The following F5 variants were observed in gnomAD, a reference collection of about 807,000 sequenced individuals.
The protein encoded by F5 is coagulation factor V, also known as activated protein c cofactor.
In F5, 138 loss-of-function variants were observed where a neutral mutation model predicts 216.4. That is an observed-to-expected ratio of 0.64 (90% CI 0.56 to 0.73). The LOEUF (loss-of-function observed/expected upper bound fraction) is 0.73. Ranked by LOEUF, F5 falls within the 30% of genes least tolerant of loss-of-function variation. The pLI is 0.00. For missense variants in F5, 2,403 were observed against 2,674.0 expected (o/e 0.90, Z 2.24); for synonymous variants, 916 against 930.7 (o/e 0.98, Z 0.29).
intron 10 of F5, among the ~76,000 whole-genome samples, chr1:169,546,996 A>G (rs867087144): frequency 6.0e-4 from 91 of 151,484 alleles, no homozygotes; most frequent in African/African-American, 2.0e-3. Context: ...AAAGAAAAGA[A>G]AAGAAAAGAA....
At chr1:169,534,774 T>C (rs897141569) in intron 14 of F5, among the ~76,000 whole-genome samples, 3 of 151,956 alleles carry the variant, frequency 2.0e-5, no homozygotes, top group African/African-American at 7.3e-5. Flanking sequence ...AGACATGGAA[T>C]CAATCTAGGT....
chr1:169,573,800 G>A (rs781425770), intron 2 of F5, among the ~76,000 whole-genome samples: 1 of 152,066 alleles, frequency 6.6e-6, no homozygotes, highest in Non-Finnish European at 1.5e-5. Context: ...CTGAGATATG[G>A]GCAAAATATT....
chr1:169,528,479 T>C (rs780244281), intron 16 of F5, among the ~76,000 whole-genome samples: 51 of 152,044 alleles, frequency 3.4e-4, no homozygotes, highest in Admixed American at 3.3e-4. Context: ...GGGATTAGAG[T>C]CAGCAAGGAG....
In F5 at chr1:169,549,742, A is replaced by G. The variant is rs1660115661; in HGVS notation, c.1611+59T>C. 3.0e-6 allele frequency: 4 copies of G among 1,313,828 alleles called. No individual in the cohort carries two copies. The Admixed American group carries it at 5.4e-5, about 18-fold the overall frequency. The allele number at this position is 1,313,828 out of a possible 1,614,324, so 81.4% of individuals were successfully genotyped here. A position where few individuals can be genotyped will look rare whatever the true frequency, so the allele number is the denominator to read the frequency against. Reference sequence around the variant, plus strand: ...CCATTATTTAGCCAGGAGACCTAACATGTTCTAGCCAGAAGAAATTCTCAG... The same window carrying G: ...CCATTATTTAGCCAGGAGACCTAACGTGTTCTAGCCAGAAGAAATTCTCAG... On this transcript the variant is annotated intron_variant, in intron 10 of 24. Transcript: ENST00000367797.
chr1:169,528,013 C>T lies in F5; in HGVS notation c.5501G>A (p.Gly1834Asp). The T allele has an allele frequency of 6.2e-7, 1 of 1,613,934 alleles. No homozygotes were observed. The highest frequency in any genetic ancestry group is 8.5e-7 in the Non-Finnish European group (1 of 1,179,878). ...EWVRLHLLNI[G>D]GSQDIHVVHF... ...AACCACGTGAATGTCTTGGGAGCCG[C>T]CTATGTTCAGCAGGTGTAACCTCAC... Residue 1834 changes from glycine (G) to aspartate (D), a missense_variant, in exon 17 of 25, where the codon GGC becomes GAC. This residue lies in a region of F5 where 659 missense variants were observed against 787.9 expected (regional missense o/e 0.84). Coordinates refer to ENST00000367797, the MANE Select transcript of F5 (RefSeq NM_000130.5).
In F5 at chr1:169,558,382, A is replaced by G. The variant is rs139721547; in HGVS notation, c.730+771T>C. On this transcript the variant is annotated intron_variant, in intron 5 of 24. Transcript: ENST00000367797. ...AGAATACAATTTAAAAACACTACCC[A>G]GATCTCAACTCTTAACAATATTTGT... Among the ~76,000 whole-genome samples, 48 of 152,350 alleles carry G rather than the reference A, an allele frequency of 3.2e-4. No individual in the cohort carries two copies. The East Asian group carries it at 7.7e-3, about 24-fold the overall frequency.
chr1:169,528,588 G>A lies in F5; in HGVS notation c.5420-494C>T, dbSNP rs764789902. ...ATAAAATTAGGAGTTTATCGTTGGT[G>A]TATCCAGCAACCATAGCAAGTCATG... On this transcript the variant is annotated intron_variant, in intron 16 of 24. Coordinates refer to ENST00000367797, the MANE Select transcript of F5 (RefSeq NM_000130.5). Among the ~76,000 whole-genome samples the A allele has an allele frequency of 9.2e-5, 14 of 152,238 alleles. No homozygotes were observed. The South Asian group carries it at 2.9e-3, about 32-fold the overall frequency.
At chr1:169,539,847 TA>T (rs1293559926) in intron 13 of F5, among the ~76,000 whole-genome samples, 1 of 152,180 alleles carries the variant, frequency 6.6e-6, no homozygotes, top group African/African-American at 2.4e-5. Flanking sequence ...AATATTCTTT[TA>T]AAAAAGGGAT....
chr1:169,544,628 A>T lies in F5; in HGVS notation c.1763-120T>A, dbSNP rs886534986. 5 of 845,274 alleles carry T rather than the reference A, an allele frequency of 5.9e-6. No homozygotes were observed. The East Asian group carries it at 7.9e-5, about 13-fold the overall frequency. The allele number at this position is 845,274 out of a possible 1,614,324, so 52.4% of individuals were successfully genotyped here. On this transcript the variant is annotated intron_variant, in intron 11 of 24. Transcript: ENST00000367797. ...GTTGTGTCAAAGCAGTGATTATCCA[A>T]GATAAGCTTTATCTAGTCTAACATG...
In F5 at chr1:169,563,949, A is replaced by C. The variant is rs148225932; in HGVS notation, c.374-3183T>G. Among the ~76,000 whole-genome samples the C allele has an allele frequency of 5.6e-3, 851 of 152,106 alleles. 8 individuals carry two copies. The highest frequency in any genetic ancestry group is 0.02 in the African/African-American group (824 of 41,516). On this transcript the variant is annotated intron_variant, in intron 3 of 24. Coordinates refer to ENST00000367797, the MANE Select transcript of F5 (RefSeq NM_000130.5). The stretch of plus-strand genomic sequence containing the variant: ...TTGTTTATTTTTATTAACATTGTGA[A>C]TTTACATTGTTGTTTGTTGCATTCT...
In F5 at chr1:169,514,444, T is replaced by C. The variant is rs952308872; in HGVS notation, c.6544A>G (p.Thr2182Ala). Reference protein sequence around the residue: ...SMVDKIFEGNTNTKGHVKNFF... With the variant: ...SMVDKIFEGNANTKGHVKNFF... ...TTCTTCACATGTCCTTTGGTATTAGTATTTCCTTCAAAAATCTGAAAGCCA... is the reference window on the plus strand; with the variant it reads ...TTCTTCACATGTCCTTTGGTATTAGCATTTCCTTCAAAAATCTGAAAGCCA... Residue 2182 changes from threonine (T) to alanine (A), a missense_variant, in exon 25 of 25, where the codon ACT (threonine) becomes GCT (alanine). Thr to Ala is a moderately conservative substitution (Grantham distance 58). Around this residue, in one of 4 missense-constraint regions of F5, gnomAD observed 659 missense variants for 787.9 expected, o/e 0.84. Transcript: ENST00000367797. 1 of 1,612,896 alleles carries C rather than the reference T, an allele frequency of 6.2e-7. No individual in the cohort carries two copies. Among genetic ancestry groups the C allele is most frequent in the Non-Finnish European group, 8.5e-7 (1 of 1,179,388 alleles).
At position 169,555,260 on chromosome 1, in the gene F5, A is replaced by G; in HGVS notation, c.1040T>C (p.Met347Thr). The G allele has an allele frequency of 1.2e-6, 2 of 1,614,096 alleles. No homozygotes were observed. Among genetic ancestry groups the G allele is most frequent in the Non-Finnish European group, 1.7e-6 (2 of 1,180,010 alleles). Residue 347 changes from methionine to threonine, a missense_variant, in exon 7 of 25, where the codon ATG (methionine) becomes ACG (threonine). Physicochemically the swap from Met to Thr is moderately conservative, Grantham distance 81 (BLOSUM62 -1). Transcript: ENST00000367797. ...AGCAATGAAGTATTCCCACCTCTTC[A>G]TGTGCCGCCTCTGCTCACGAGTTAT... is the stretch of plus-strand genomic sequence containing the variant. ...KKITREQRRHMKRWEYFIAAE... is the reference protein window; with the variant it reads ...KKITREQRRHTKRWEYFIAAE...
chr1:169,571,576 G>C (rs941129708), intron 3 of F5, among the ~76,000 whole-genome samples: 1 of 152,070 alleles, frequency 6.6e-6, no homozygotes, highest in African/African-American at 2.4e-5. Context: ...ACCACTTATT[G>C]AGTGTCATCT....
intron 2 of F5, among the ~76,000 whole-genome samples, chr1:169,574,125 C>T (rs1660788426): frequency 6.6e-6 from 1 of 152,112 alleles, no homozygotes; most frequent in Admixed American, 6.5e-5. Context: ...TAGGTTATTG[C>T]AAATACTATG....
chr1:169,550,414 G>T (rs2101825812), intron 9 of F5, among the ~76,000 whole-genome samples: 1 of 151,730 alleles, frequency 6.6e-6, no homozygotes, highest in Admixed American at 6.6e-5. Context: ...ATTAGATAAT[G>T]CTCCACTAGA....
At chr1:169,536,482 C>A (rs778345803) in intron 14 of F5, 24 bp downstream of exon 14, 1 of 1,608,270 alleles carries the variant, frequency 6.2e-7, no homozygotes. Flanking sequence ...CTCCGAAGAT[C>A]TTAGCAGTGC....
intron 10 of F5, among the ~76,000 whole-genome samples, chr1:169,546,925 T>A (rs1430624680): frequency 1.4e-5 from 2 of 146,914 alleles, no homozygotes; most frequent in Admixed American, 1.4e-4. Flanking sequence ...AGGTCAGGAG[T>A]TGAAGACCAG....
At position 169,542,747 on chromosome 1, in the gene F5, A is replaced by C. The variant is rs13306350; in HGVS notation, c.2343T>G (p.Ser781Arg). 24 of 1,614,028 alleles carry C rather than the reference A, an allele frequency of 1.5e-5. No homozygotes were observed. In the East Asian group the frequency reaches 5.1e-4, roughly 34 times the overall value. The change falls in exon 13 of 25, where the codon AGT (serine) becomes AGG (arginine). Residue 781 changes from serine (S) to arginine (R), a missense_variant. This residue lies in a region of F5 where 1,425 missense variants were observed against 1,554.8 expected (regional missense o/e 0.92). Coordinates refer to ENST00000367797, the MANE Select transcript of F5 (RefSeq NM_000130.5). ...IIVGSNYSSP[S>R]NISKFTVNNL... is the part of the protein sequence containing the mutation. ...TATTGACAGTGAACTTACTAATATT[A>C]CTTGGGGAAGAATAATTTGAACCAA...
chr1:169,563,245 C>T (rs1660521891), intron 3 of F5, among the ~76,000 whole-genome samples: 1 of 151,988 alleles, frequency 6.6e-6, no homozygotes, highest in Admixed American at 6.6e-5. Flanking sequence ...CTCACTGCTT[C>T]CAATATTTTC....
Sources: allele counts gnomAD v4.1 joint callset (sites outside exome capture counted in the v4.1 genomes callset), GRCh38; gene constraint gnomAD v4.1.1; regional missense constraint gnomAD v4.1.1; transcripts MANE v1.5; gene names NCBI Gene and HGNC (gene_info 2026-07-23, HGNC 2026-07-21).